The following MRPL38 variants were observed in gnomAD, a reference collection of about 807,000 sequenced individuals.
MRPL38 encodes the protein mitochondrial ribosomal protein L38.
In MRPL38, 51 loss-of-function variants were observed where a neutral mutation model predicts 52.1. The ratio of observed to expected loss-of-function variants is 0.98; its 90% CI spans 0.78 to 1.24. The LOEUF (loss-of-function observed/expected upper bound fraction) is 1.24. Ranked by LOEUF, MRPL38 falls within the 50% of genes most tolerant of loss-of-function variation. MRPL38 has a pLI of 0.00. For synonymous variants in MRPL38, 245 were observed against 212.7 expected (o/e 1.15, Z -1.32); for missense variants, 527 against 518.6 (o/e 1.02, Z -0.16).
At chr17:75,902,862 C>G (rs1339070667) in intron 2 of MRPL38, among the ~76,000 whole-genome samples, 2 of 152,148 alleles carry the variant, frequency 1.3e-5, no homozygotes, top group Non-Finnish European at 2.9e-5. Context: ...GCTGGGATTA[C>G]AGGCGCCTGC....
chr17:75,899,186 G>T lies in MRPL38; in HGVS notation c.978C>A (p.Ser326=). 1 of 1,605,362 alleles carries T rather than the reference G, an allele frequency of 6.2e-7. No homozygotes were observed. The highest frequency in any genetic ancestry group is 8.5e-7 in the Non-Finnish European group (1 of 1,176,404). The change falls in exon 8 of 9, where the codon TCC becomes TCA. Residue 326 remains serine (S), a synonymous_variant. Coordinates refer to ENST00000309352, the MANE Select transcript of MRPL38 (RefSeq NM_032478.4). The part of the protein sequence containing the change: ...LSFFQCRWDD[S]VTYIFHQLLD... Reference sequence around the variant, plus strand: ...GAAGCTGGTGGAAGATGTAGGTGACGGAGTCATCCCAGCGGCACTGGAAGA... The same window carrying T: ...GAAGCTGGTGGAAGATGTAGGTGACTGAGTCATCCCAGCGGCACTGGAAGA...
Position 75,899,526 on chromosome 17 carries a change from G to T in MRPL38, c.859C>A (p.Pro287Thr), listed in dbSNP as rs751913463. The change falls in exon 7 of 9, where the codon CCC (proline) becomes ACC (threonine). Residue 287 changes from proline to threonine, a missense_variant. Pro to Thr is a conservative substitution (Grantham distance 38). Transcript: ENST00000309352. ...GGTGGTGTAGATTACCAGGGTGAGG[G>T]GCGTGCGTCCTCAGAGAAGTCAATC... ...QPIDFSEDAR[P>T]SPCYQLAQRT... is the part of the protein sequence containing the mutation. The T allele has an allele frequency of 6.3e-7, 1 of 1,589,230 alleles. No individual in the cohort carries two copies.
At position 75,901,968 on chromosome 17, in the gene MRPL38, G is replaced by A. The variant is rs1389065267; in HGVS notation, c.383-48C>T. ...GGGATACGGGGGTGGGGGGGGCAGG[G>A]ACACACCCTGTACCCCAACTCTGGG... is the stretch of plus-strand genomic sequence containing the variant. On this transcript the variant is annotated intron_variant, in intron 3 of 8. Transcript: ENST00000309352. This position sits in a 1 kb window ranked among gnomAD's most constrained non-coding sequence, Gnocchi z 5.7. The A allele has an allele frequency of 7.7e-7, 1 of 1,307,056 alleles. No individual in the cohort carries two copies. Among genetic ancestry groups the A allele is most frequent in the South Asian group, 1.2e-5 (1 of 85,248 alleles). 81.0% of individuals were successfully genotyped at this position (1,307,056 alleles called of 1,614,324 possible).
chr17:75,904,167 C>T (rs1250061400), intron 2 of MRPL38: 1 of 482,420 alleles, frequency 2.1e-6, no homozygotes, highest in African/African-American at 2.0e-5. Flanking sequence ...CAACAGGGCG[C>T]TTACAATCTG....
rs970558988 is a variant in MRPL38, at chr17:75,904,540, C to G, written c.247G>C (p.Asp83His). 6.5e-6 allele frequency: 10 copies of G among 1,540,870 alleles called. No individual in the cohort carries two copies. In the African/African-American group the frequency reaches 1.4e-4, roughly 21 times the overall value. ...TYREYFGEKT[D>H]PKEKIDIGLP... is the part of the protein sequence containing the mutation. ...AGCCCCTGCTCCAGTCGCCCCGCAC[C>G]TGTCTTCTCCCCGAAATACTCTCGG... Residue 83 changes from aspartate to histidine, a missense_variant and splice_region_variant, in exon 2 of 9, where the codon GAT becomes CAT. By Grantham distance (81) the Asp-to-His change is moderately conservative (BLOSUM62 -1). Coordinates refer to ENST00000309352, the MANE Select transcript of MRPL38 (RefSeq NM_032478.4).
chr17:75,899,085 A>G, intron 8 of MRPL38, 73 bp downstream of exon 8: 1 of 1,542,072 alleles, frequency 6.5e-7, no homozygotes, highest in Non-Finnish European at 8.7e-7. Context: ...CCCCTAACAA[A>G]GCTTCTCCCT....
In MRPL38 at chr17:75,899,221, C is replaced by T. The variant is rs555101571; in HGVS notation, c.943G>A (p.Gly315Ser). Residue 315 changes from glycine (G) to serine (S), a missense_variant, in exon 8 of 9, where the codon GGC becomes AGC. Gly to Ser is a moderately conservative substitution (Grantham distance 56, BLOSUM62 0). Coordinates refer to ENST00000309352, the MANE Select transcript of MRPL38 (RefSeq NM_032478.4). ...CAGCGGCACTGGAAGAAGGACAAGC[C>T]GGCTGGAGTCATGGTTTCTTGGTGT... The part of the protein sequence containing the change: ...KKHQETMTPA[G>S]LSFFQCRWDD... 21 of 1,610,008 alleles carry T rather than the reference C, an allele frequency of 1.3e-5. No homozygotes were observed. The highest frequency in any genetic ancestry group is 6.7e-5 in the Admixed American group (4 of 59,486).
Position 75,901,347 on chromosome 17 carries a change from G to T in MRPL38, c.592-74C>A. On this transcript the variant is annotated intron_variant, in intron 4 of 8. Coordinates refer to ENST00000309352, the MANE Select transcript of MRPL38 (RefSeq NM_032478.4). This position sits in a 1 kb window ranked among gnomAD's most constrained non-coding sequence, Gnocchi z 5.7. ...TGTTGCAGGGAGCCTTGGAGAAAGGGGTGCCCACTCTGACCCAAAAGCCCT... is the reference window on the plus strand; with the variant it reads ...TGTTGCAGGGAGCCTTGGAGAAAGGTGTGCCCACTCTGACCCAAAAGCCCT... The T allele has an allele frequency of 6.8e-7, 1 of 1,467,086 alleles. No homozygotes were observed. Among genetic ancestry groups the T allele is most frequent in the Non-Finnish European group, 9.4e-7 (1 of 1,063,038 alleles). 90.9% of individuals were successfully genotyped at this position (1,467,086 alleles called of 1,614,324 possible). A position where few individuals can be genotyped will look rare whatever the true frequency, so the allele number is the denominator to read the frequency against.
chr17:75,900,264 C>G (rs1010224771), intron 6 of MRPL38: 5 of 152,308 alleles, frequency 3.3e-5, no homozygotes, highest in African/African-American at 1.2e-4. Flanking sequence ...GAAGGCCGCC[C>G]AGTCTGGGCC....
chr17:75,903,013 C>T (rs568899514), intron 2 of MRPL38, among the ~76,000 whole-genome samples: 16 of 152,290 alleles, frequency 1.1e-4, no homozygotes, highest in African/African-American at 3.1e-4. Context: ...GTCAATGGTC[C>T]TTCCAATTAT....
chr17:75,902,364 C>CA, intron 2 of MRPL38: 1 of 594,702 alleles, frequency 1.7e-6, no homozygotes, highest in South Asian at 2.0e-5. Flanking sequence ...CAGCCTCCCA[C>CA]AGTGTTGGGA....
intron 2 of MRPL38, among the ~76,000 whole-genome samples, chr17:75,902,944 C>T (rs1001663576): frequency 2.1e-4 from 32 of 151,970 alleles, no homozygotes; most frequent in Non-Finnish European, 4.7e-4. Context: ...AGGCTGGAGG[C>T]TGTGTTTTTC....
At position 75,898,694 on chromosome 17, in the gene MRPL38, T is replaced by G; in HGVS notation, c.*156A>C. 2 of 789,636 alleles carry G rather than the reference T, an allele frequency of 2.5e-6. No individual in the cohort carries two copies. Among genetic ancestry groups the G allele is most frequent in the Non-Finnish European group, 3.9e-6 (2 of 506,596 alleles). The allele number at this position is 789,636 out of a possible 1,614,324, so 48.9% of individuals were successfully genotyped here. A position where few individuals can be genotyped will look rare whatever the true frequency, so the allele number is the denominator to read the frequency against. ...CATTCCCCACCCCACCACCTGAGAGTCACTTTCACTCCAAGCCCTGGGCCT... is the reference window on the plus strand; with the variant it reads ...CATTCCCCACCCCACCACCTGAGAGGCACTTTCACTCCAAGCCCTGGGCCT... On this transcript the variant is annotated 3_prime_UTR_variant, in exon 9 of 9. Transcript: ENST00000309352.
intron 6 of MRPL38, chr17:75,900,773 C>T: frequency 1.4e-6 from 2 of 1,399,228 alleles, no homozygotes; most frequent in Non-Finnish European, 1.8e-6. Context: ...TGGGGACTGA[C>T]CGAGGCCTAC....
rs60405777 is a variant in MRPL38, at chr17:75,901,189, C to T, written c.664+12G>A. 3,174 of 1,613,200 alleles carry T rather than the reference C, an allele frequency of 2.0e-3. 46 individuals are homozygous for T. The African/African-American group carries it at 0.036, about 18-fold the overall frequency. On this transcript the variant is annotated intron_variant, in intron 5 of 8. Coordinates refer to ENST00000309352, the MANE Select transcript of MRPL38 (RefSeq NM_032478.4). This position sits in a 1 kb window ranked among gnomAD's most constrained non-coding sequence, Gnocchi z 5.7. Reference sequence around the variant, plus strand: ...AGCGGGGCAGGAGGCCTGGTGAGCCCCAGACACCCACCCAAGCTAGTGAGT... The same window carrying T: ...AGCGGGGCAGGAGGCCTGGTGAGCCTCAGACACCCACCCAAGCTAGTGAGT...
In MRPL38 at chr17:75,902,094, A is replaced by G. The variant is rs2065407733; in HGVS notation, c.308T>C (p.Leu103Pro). ...PPPKVSRTQQ[L>P]LERKQAIQEL... ...CTGGATGGCCTGTTTCCGTTCCAGT[A>G]GCTGTTGGGTCCGGGAGACTTTGGG... The change falls in exon 3 of 9, where the codon CTA (leucine) becomes CCA (proline). Residue 103 changes from leucine to proline, a missense_variant. Physicochemically the swap from Leu to Pro is moderately conservative, Grantham distance 98. Transcript: ENST00000309352. The G allele has an allele frequency of 3.7e-6, 6 of 1,606,218 alleles. No individual in the cohort carries two copies. Among genetic ancestry groups the G allele is most frequent in the Non-Finnish European group, 5.1e-6 (6 of 1,176,712 alleles).
Position 75,901,968 on chromosome 17 carries a change from G to GGGGGGCCGGC in MRPL38, c.383-49_383-48insGCCGGCCCCC. ...GGGATACGGGGGTGGGGGGGGCAGG[G>GGGGGGCCGGC]ACACACCCTGTACCCCAACTCTGGG... On this transcript the variant is annotated intron_variant, in intron 3 of 8. Transcript: ENST00000309352. This position sits in a 1 kb window ranked among gnomAD's most constrained non-coding sequence, Gnocchi z 5.7. 7.7e-7 allele frequency: 1 copy of GGGGGGCCGGC among 1,307,054 alleles called. No homozygotes were observed. Among genetic ancestry groups the GGGGGGCCGGC allele is most frequent in the Non-Finnish European group, 1.1e-6 (1 of 926,834 alleles). 81.0% of individuals were successfully genotyped at this position (1,307,054 alleles called of 1,614,324 possible). A position where few individuals can be genotyped will look rare whatever the true frequency, so the allele number is the denominator to read the frequency against.
chr17:75,900,887 G>A (rs767566869), intron 6 of MRPL38, 95 bp downstream of exon 6: 1 of 1,504,204 alleles, frequency 6.6e-7, no homozygotes, highest in Non-Finnish European at 8.9e-7. Context: ...AGGTCCCATG[G>A]GTAGTCCATG....
chr17:75,902,261 A>C, intron 2 of MRPL38, 107 bp from the exon 3 acceptor site: 288 of 1,255,864 alleles, frequency 2.3e-4, no homozygotes, highest in Non-Finnish European at 2.8e-4. Context: ...ACACCATCTC[A>C]TCTGGCTAAT....
Sources: allele counts gnomAD v4.1 joint callset (sites outside exome capture counted in the v4.1 genomes callset), GRCh38; gene constraint gnomAD v4.1.1; non-coding constraint Gnocchi (gnomAD v3.1); transcripts MANE v1.5; gene names NCBI Gene and HGNC (gene_info 2026-07-23, HGNC 2026-07-21).